SLC44A1: variants seen among roughly 807,000 people sequenced by gnomAD.
SLC44A1 encodes the protein choline transporter-like protein 1.
In SLC44A1, 26 loss-of-function variants were observed where a neutral mutation model predicts 79.3. That is an observed-to-expected ratio of 0.33 (90% CI 0.24 to 0.46). SLC44A1 has a LOEUF of 0.46. Among genes scored for constraint, SLC44A1 ranks in the 20% least tolerant of loss-of-function variants. The probability of loss-of-function intolerance (pLI) is 1.00; values close to 1 mark genes in which losing one functional copy is unlikely to be tolerated. For missense variants in SLC44A1, 688 were observed against 798.1 expected (o/e 0.86, Z 1.66); for synonymous variants, 263 against 286.2 (o/e 0.92, Z 0.82).
chr9:105,313,427 CAG>C (rs1413824088), intron 3 of SLC44A1, among the ~76,000 whole-genome samples: 1 of 149,516 alleles, frequency 6.7e-6, no homozygotes, highest in Non-Finnish European at 1.5e-5. Context: ...TCTTCAGCCA[CAG>C]AGTCTCTCAT....
At chr9:105,346,033 C>T (rs1827238656) in intron 4 of SLC44A1, among the ~76,000 whole-genome samples, 2 of 147,456 alleles carry the variant, frequency 1.4e-5, no homozygotes, top group Admixed American at 6.8e-5. Flanking sequence ...AAAATGTTAA[C>T]TGAAAATGCC....
At position 105,362,986 on chromosome 9, in the gene SLC44A1, C is replaced by G; in HGVS notation, c.1066C>G (p.Leu356Val). The change falls in exon 9 of 16, where the codon CTT becomes GTT. Residue 356 changes from leucine (L) to valine (V), a missense_variant. By Grantham distance (32) the Leu-to-Val change is conservative. Transcript: ENST00000374720. ...GTTTTGGGTGTACTGGATCATGACACTTCTTTTTCTTGGCACTACCGGTAA... is the reference window on the plus strand; with the variant it reads ...GTTTTGGGTGTACTGGATCATGACAGTTCTTTTTCTTGGCACTACCGGTAA... ...VLFWVYWIMT[L>V]LFLGTTGSPV... is the part of the protein sequence containing the mutation. 2 of 1,607,570 alleles carry G rather than the reference C, an allele frequency of 1.2e-6. No homozygotes were observed. The highest frequency in any genetic ancestry group is 2.7e-5 in the African/African-American group (2 of 74,592).
In SLC44A1 at chr9:105,375,071, C is replaced by T. The variant is rs578038673; in HGVS notation, c.1632+336C>T. ...TTTGTTTGTTTTTGAAACGGAGTTT[C>T]GCTCTTGTCGCCCAGGCTGGAATAC... On this transcript the variant is annotated intron_variant, in intron 13 of 15. Coordinates refer to ENST00000374720, the MANE Select transcript of SLC44A1 (RefSeq NM_080546.5). 4.9e-4 allele frequency among the ~76,000 whole-genome samples: 74 copies of T among 152,244 alleles called. 2 individuals carry two copies. The South Asian group carries it at 0.015, about 30-fold the overall frequency.
chr9:105,294,145 T>C (rs1830665056), intron 1 of SLC44A1, among the ~76,000 whole-genome samples: 1 of 152,124 alleles, frequency 6.6e-6, no homozygotes, highest in African/African-American at 2.4e-5. Context: ...CTTGTATATG[T>C]GTGCAAAAAA....
chr9:105,390,359 T>C lies in SLC44A1; in HGVS notation c.*1303T>C. 1 of 978,528 alleles carries C rather than the reference T, an allele frequency of 1.0e-6. No individual in the cohort carries two copies. 60.6% of individuals were successfully genotyped at this position (978,528 alleles called of 1,614,324 possible). The stretch of plus-strand genomic sequence containing the variant: ...GTTACAATTTTTTTAAAAAAAGCTA[T>C]TTTTGTTAATGTAAAGTAAATATTT... On this transcript the variant is annotated 3_prime_UTR_variant, in exon 16 of 16. Transcript: ENST00000374720.
chr9:105,304,956 T>G (rs1201141100), intron 2 of SLC44A1, among the ~76,000 whole-genome samples: 2,441 of 68,950 alleles, frequency 0.035, 214 homozygotes, highest in Non-Finnish European at 0.043. Context: ...TTTTTTTTTT[T>G]TTTTTTTTTT....
chr9:105,385,415 T>G lies in SLC44A1; in HGVS notation c.1870-7T>G. The G allele has an allele frequency of 6.4e-7, 1 of 1,571,292 alleles. No individual in the cohort carries two copies. Among genetic ancestry groups the G allele is most frequent in the Non-Finnish European group, 8.7e-7 (1 of 1,155,152 alleles). On this transcript the variant is annotated splice_region_variant and splice_polypyrimidine_tract_variant and intron_variant, in intron 14 of 15. Coordinates refer to ENST00000374720, the MANE Select transcript of SLC44A1 (RefSeq NM_080546.5). ...AGAATTTATTCAATATGGTCCATAT[T>G]TTGCAGGAGTTTGTGGAAAACAGTA... is the stretch of plus-strand genomic sequence containing the variant.
At chr9:105,293,880 T>C (rs1223234623) in intron 1 of SLC44A1, among the ~76,000 whole-genome samples, 1 of 152,232 alleles carries the variant, frequency 6.6e-6, no homozygotes, top group African/African-American at 2.4e-5. Flanking sequence ...TTAGGGCTCA[T>C]GGTGAATGTG....
rs1828797205 is a variant in SLC44A1 at position 105,392,903 on chromosome 9, T to A, written c.*3847T>A. 7 of 985,364 alleles carry A rather than the reference T, an allele frequency of 7.1e-6. No homozygotes were observed. The highest frequency in any genetic ancestry group is 7.2e-6 in the Non-Finnish European group (6 of 829,844). The allele number at this position is 985,364 out of a possible 1,614,324, so 61.0% of individuals were successfully genotyped here. ...GAGAAGTTTCCTCCAGAAAGGTCTTTAAGCTTTCGCTTTTCAATAAGTAAG... is the reference window on the plus strand; with the variant it reads ...GAGAAGTTTCCTCCAGAAAGGTCTTAAAGCTTTCGCTTTTCAATAAGTAAG... On this transcript the variant is annotated 3_prime_UTR_variant, in exon 16 of 16. Coordinates refer to ENST00000374720, the MANE Select transcript of SLC44A1 (RefSeq NM_080546.5).
At position 105,421,996 on chromosome 9, in the gene SLC44A1, A is replaced by G. The variant is rs544734657; in HGVS notation, c.1951-16285A>G. ...TCGGACCTCTGGTAGAAGTGACTAC[A>G]GTACTGAGCATACTCAAGTGTTTCA... is the stretch of plus-strand genomic sequence containing the variant. On this transcript the variant is annotated intron_variant, in intron 15 of 15. Transcript: ENST00000374724. Among the ~76,000 whole-genome samples, 36 of 152,322 alleles carry G rather than the reference A, an allele frequency of 2.4e-4. 1 individual carries two copies. Among genetic ancestry groups the G allele is most frequent in the Admixed American group, 9.2e-4 (14 of 15,296 alleles).
chr9:105,429,613 A>G (rs1444047069), intron 15 of SLC44A1, among the ~76,000 whole-genome samples: 1 of 152,164 alleles, frequency 6.6e-6, no homozygotes, highest in Non-Finnish European at 1.5e-5. Context: ...CTTCTGTATT[A>G]CCTTAATTTT....
chr9:105,254,762 TGAA>T (rs760704543), intron 1 of SLC44A1, among the ~76,000 whole-genome samples: 2 of 152,204 alleles, frequency 1.3e-5, no homozygotes, highest in Non-Finnish European at 2.9e-5. Context: ...CAGCTTCAGA[TGAA>T]GAAGAGCATT....
At chr9:105,346,889 C>A (rs1056058917) in intron 4 of SLC44A1, among the ~76,000 whole-genome samples, 1 of 152,134 alleles carries the variant, frequency 6.6e-6, no homozygotes, top group East Asian at 1.9e-4. Flanking sequence ...AAATATTTTG[C>A]ATTGTCAGAT....
chr9:105,418,718 C>G (rs1829206806), intron 15 of SLC44A1, among the ~76,000 whole-genome samples: 1 of 152,156 alleles, frequency 6.6e-6, no homozygotes, highest in Non-Finnish European at 1.5e-5. Flanking sequence ...GTTAAGCTGC[C>G]CCAGTTGCAC....
At chr9:105,302,097 C>T (rs1163248923) in intron 2 of SLC44A1, among the ~76,000 whole-genome samples, 2 of 152,050 alleles carry the variant, frequency 1.3e-5, no homozygotes, top group African/African-American at 2.4e-5. Flanking sequence ...TTTTCTAATG[C>T]TTGAGTTGTC....
chr9:105,378,242 C>T (rs563003804), intron 13 of SLC44A1, among the ~76,000 whole-genome samples: 20 of 152,200 alleles, frequency 1.3e-4, no homozygotes, highest in African/African-American at 4.8e-4. Flanking sequence ...AAGCGGGACT[C>T]TGTCTCAAAA....
intron 5 of SLC44A1, among the ~76,000 whole-genome samples, chr9:105,352,395 T>G (rs1272161814): frequency 6.6e-6 from 1 of 152,170 alleles, no homozygotes; most frequent in Non-Finnish European, 1.5e-5. Flanking sequence ...TTTAGGGAGC[T>G]TATTAACTGT....
chr9:105,438,219 C>T lies in SLC44A1; in HGVS notation c.1951-62C>T, dbSNP rs897064122. 6 of 1,430,764 alleles carry T rather than the reference C, an allele frequency of 4.2e-6. No individual in the cohort carries two copies. In the African/African-American group the frequency reaches 5.7e-5, roughly 14 times the overall value. 88.6% of individuals were successfully genotyped at this position (1,430,764 alleles called of 1,614,324 possible). ...CCACACTATTTCTAGTTATTGATTA[C>T]TTCTCATTGTGTCATGTTCCCCTAG... On this transcript the variant is annotated intron_variant, in intron 15 of 15. Coordinates refer to the SLC44A1 transcript ENST00000374724.
At chr9:105,436,229 T>C (rs1829462576) in intron 15 of SLC44A1, among the ~76,000 whole-genome samples, 1 of 152,114 alleles carries the variant, frequency 6.6e-6, no homozygotes, top group Admixed American at 6.5e-5. Flanking sequence ...GTTTATTAAA[T>C]AGAAAAATAG....
Sources: allele counts gnomAD v4.1 joint callset (sites outside exome capture counted in the v4.1 genomes callset), GRCh38; gene constraint gnomAD v4.1.1; transcripts MANE v1.5; gene names NCBI Gene and HGNC (gene_info 2026-07-23, HGNC 2026-07-21).